The following PLXDC2 variants were observed in gnomAD, a reference collection of about 807,000 sequenced individuals.
PLXDC2 encodes plexin domain-containing protein 2.
PLXDC2 carries 40 observed loss-of-function variants against 68.9 expected under a neutral mutation model. That is an observed-to-expected ratio of 0.58 (90% CI 0.45 to 0.76). The LOEUF (loss-of-function observed/expected upper bound fraction) is 0.76, where lower values mean the gene tolerates loss of function less well. Among genes scored for constraint, PLXDC2 ranks in the 30% least tolerant of loss-of-function variants. The pLI is 0.00. For missense variants in PLXDC2, 644 were observed against 661.9 expected (o/e 0.97, Z 0.30); for synonymous variants, 243 against 234.2 (o/e 1.04, Z -0.34).
chr10:20,203,425 C>T (rs1188385386), intron 9 of PLXDC2, among the ~76,000 whole-genome samples: 2 of 151,966 alleles, frequency 1.3e-5, no homozygotes, highest in African/African-American at 2.4e-5. Context: ...CCACTTCAGC[C>T]TCCCAAGTAG....
chr10:20,125,527 G>A (rs889490405), intron 4 of PLXDC2, among the ~76,000 whole-genome samples: 1 of 152,112 alleles, frequency 6.6e-6, no homozygotes, highest in African/African-American at 2.4e-5. Flanking sequence ...TCACAACTCT[G>A]AGATTGCAAA....
Position 20,046,899 on chromosome 10 carries a change from C to T in PLXDC2, c.355C>T (p.Arg119Ter), listed in dbSNP as rs755568246. 1.2e-6 allele frequency: 2 copies of T among 1,611,118 alleles called. No individual in the cohort carries two copies. The highest frequency in any genetic ancestry group is 1.7e-6 in the Non-Finnish European group (2 of 1,178,470). ...TACAGACCACAATTACTATATATCT[C>T]GAATATATGGTCCATCTGATTCTGC... Reference protein sequence around the residue: ...EDTDHNYYISRIYGPSDSASR... With the variant: ...EDTDHNYYIS The change falls in exon 3 of 14, where the codon CGA becomes TGA. Residue 119 changes from arginine (R) to a stop codon, truncating the protein, a stop_gained. Transcript: ENST00000377252. LOFTEE classifies it high-confidence loss of function.
At chr10:20,043,110 A>C (rs75051707) in intron 2 of PLXDC2, among the ~76,000 whole-genome samples, 2,777 of 152,304 alleles carry the variant, frequency 0.018, 86 homozygotes, top group African/African-American at 0.063. Context: ...TACTAGTGCT[A>C]AAATGTCACA....
At chr10:20,189,791 T>C (rs548865165) in intron 9 of PLXDC2, among the ~76,000 whole-genome samples, 38 of 151,686 alleles carry the variant, frequency 2.5e-4, no homozygotes, top group African/African-American at 8.0e-4. Flanking sequence ...CTACCTATAT[T>C]ATCTATCTAC....
chr10:19,851,605 G>A (rs1837119341), intron 1 of PLXDC2, among the ~76,000 whole-genome samples: 1 of 152,094 alleles, frequency 6.6e-6, no homozygotes, highest in Non-Finnish European at 1.5e-5. Context: ...GAGTGCAGTG[G>A]CACAATCTTG....
At chr10:20,150,090 G>C (rs1834133093) in intron 6 of PLXDC2, among the ~76,000 whole-genome samples, 1 of 152,062 alleles carries the variant, frequency 6.6e-6, no homozygotes, top group African/African-American at 2.4e-5. Flanking sequence ...AACCTACATT[G>C]ACATTGACAC....
At chr10:20,012,103 C>A (rs556177869) in intron 2 of PLXDC2, among the ~76,000 whole-genome samples, 1 of 151,948 alleles carries the variant, frequency 6.6e-6, no homozygotes, top group Non-Finnish European at 1.5e-5. Context: ...GTAGACACAT[C>A]GATAGGCCAT....
intron 4 of PLXDC2, among the ~76,000 whole-genome samples, chr10:20,100,472 A>T (rs1187834832): frequency 6.6e-6 from 1 of 152,176 alleles, no homozygotes; most frequent in Non-Finnish European, 1.5e-5. Flanking sequence ...AAAGGGTGGA[A>T]GTACAATGAA....
intron 12 of PLXDC2, among the ~76,000 whole-genome samples, chr10:20,228,912 G>A (rs1835323321): frequency 6.6e-6 from 1 of 152,142 alleles, no homozygotes; most frequent in Non-Finnish European, 1.5e-5. Context: ...GTGGCATAAA[G>A]ACATTTGTTG....
chr10:19,976,738 T>A (rs1362355204), intron 1 of PLXDC2, among the ~76,000 whole-genome samples: 1 of 152,158 alleles, frequency 6.6e-6, no homozygotes, highest in Non-Finnish European at 1.5e-5. Flanking sequence ...CTCTATATTT[T>A]ACTTGTTCTC....
At chr10:20,118,273 A>G (rs1391452018) in intron 4 of PLXDC2, among the ~76,000 whole-genome samples, 1 of 152,188 alleles carries the variant, frequency 6.6e-6, no homozygotes, top group Non-Finnish European at 1.5e-5. Flanking sequence ...GGAAGTACAA[A>G]GAGTGAATTG....
At chr10:20,084,244 G>C (rs1207512521) in intron 4 of PLXDC2, among the ~76,000 whole-genome samples, 1 of 152,178 alleles carries the variant, frequency 6.6e-6, no homozygotes, top group Non-Finnish European at 1.5e-5. Context: ...TGTCCAAAGG[G>C]CTTAGTGACT....
chr10:20,201,430 T>C (rs946892619), intron 9 of PLXDC2, among the ~76,000 whole-genome samples: 3 of 152,004 alleles, frequency 2.0e-5, no homozygotes, highest in African/African-American at 7.2e-5. Context: ...GAGAGATTTG[T>C]TAAAGGATAT....
At chr10:19,945,869 C>T (rs1833893014) in intron 1 of PLXDC2, among the ~76,000 whole-genome samples, 1 of 152,178 alleles carries the variant, frequency 6.6e-6, no homozygotes, top group Non-Finnish European at 1.5e-5. Flanking sequence ...TTATATTATG[C>T]TGTTCTCTGT....
chr10:20,222,100 G>A (rs1036206963), intron 12 of PLXDC2, among the ~76,000 whole-genome samples: 1 of 152,090 alleles, frequency 6.6e-6, no homozygotes, highest in African/African-American at 2.4e-5. Flanking sequence ...TTTTTATTTA[G>A]GGGCCTGTAC....
intron 1 of PLXDC2, among the ~76,000 whole-genome samples, chr10:19,987,797 C>T (rs919107749): frequency 2.0e-4 from 31 of 152,110 alleles, no homozygotes; most frequent in East Asian, 9.7e-4. Context: ...ATCGATCTCC[C>T]GACCTTGTGA....
At chr10:20,017,741 ATTTC>A (rs1835237431) in intron 2 of PLXDC2, among the ~76,000 whole-genome samples, 1 of 152,192 alleles carries the variant, frequency 6.6e-6, no homozygotes, top group African/African-American at 2.4e-5. Flanking sequence ...TCAGTTCCAT[ATTTC>A]TTTTTCATTC....
At chr10:19,949,318 C>T (rs1388635744) in intron 1 of PLXDC2, among the ~76,000 whole-genome samples, 1 of 151,922 alleles carries the variant, frequency 6.6e-6, no homozygotes, top group African/African-American at 2.4e-5. Context: ...AATACTTGAC[C>T]ATTAGTAGTC....
intron 9 of PLXDC2, among the ~76,000 whole-genome samples, chr10:20,195,843 C>T (rs1361528994): frequency 6.6e-6 from 1 of 152,034 alleles, no homozygotes; most frequent in Admixed American, 6.6e-5. Flanking sequence ...CACCAGAAGC[C>T]ATTAAACTGA....
Sources: gnomAD v4.1 joint callset for allele counts (sites outside exome capture counted in the v4.1 genomes callset) on GRCh38, gnomAD v4.1.1 for gene constraint, MANE v1.5 for transcripts, NCBI Gene and HGNC (gene_info 2026-07-23, HGNC 2026-07-21) for gene names.